The following SERPINA3 variants were observed in gnomAD, a reference collection of about 807,000 sequenced individuals.
SERPINA3 encodes the protein serpin family A member 3, also known as alpha-1-antichymotrypsin.
SERPINA3 carries 32 observed loss-of-function variants against 26.8 expected under a neutral mutation model. That is an observed-to-expected ratio of 1.20 (90% CI 0.90 to 1.61). The LOEUF is 1.61. Ranked by LOEUF, SERPINA3 falls within the 40% of genes most tolerant of loss-of-function variation. The pLI is 0.00. For missense variants in SERPINA3, 632 were observed against 517.9 expected (o/e 1.22, Z -2.14); for synonymous variants, 252 against 206.4 (o/e 1.22, Z -1.89).
chr14:94,615,874 C>T (rs2268334), intron 2 of SERPINA3, among the ~76,000 whole-genome samples: 4,247 of 152,262 alleles, frequency 0.028, 139 homozygotes, highest in East Asian at 0.18. Flanking sequence ...CTGGAGCCCA[C>T]AGTCCAGATG....
At chr14:94,621,826 G>C (rs1306905626) in intron 3 of SERPINA3, among the ~76,000 whole-genome samples, 1 of 152,040 alleles carries the variant, frequency 6.6e-6, no homozygotes, top group South Asian at 2.1e-4. Flanking sequence ...CCACCGCCCC[G>C]TGGAGCAACT....
chr14:94,612,956 A>G (rs1885839895), intron 1 of SERPINA3, among the ~76,000 whole-genome samples: 1 of 152,208 alleles, frequency 6.6e-6, no homozygotes, highest in Non-Finnish European at 1.5e-5. Flanking sequence ...GTCCAGCAAC[A>G]GAAAAGACAA....
intron 2 of SERPINA3, 105 bp from the exon 3 acceptor site, chr14:94,619,090 G>C (rs944006344): frequency 7.7e-7 from 1 of 1,302,596 alleles, no homozygotes; most frequent in Non-Finnish European, 1.1e-6. Flanking sequence ...CCAAAGCAGG[G>C]TCCCTCCTAT....
chr14:94,615,678 A>G lies in SERPINA3; in HGVS notation c.643+594A>G, dbSNP rs527664480. On this transcript the variant is annotated intron_variant, in intron 2 of 4. Coordinates refer to ENST00000393078, the MANE Select transcript of SERPINA3 (RefSeq NM_001085.5). ...AAAATATGTCACTGACACATAACAAATGAGGGCAGAAATGGCATTGTTCCC... is the reference window on the plus strand; with the variant it reads ...AAAATATGTCACTGACACATAACAAGTGAGGGCAGAAATGGCATTGTTCCC... 3.3e-5 allele frequency among the ~76,000 whole-genome samples: 5 copies of G among 152,328 alleles called. No homozygotes were observed. The South Asian group carries it at 1.0e-3, about 32-fold the overall frequency.
chr14:94,621,573 G>A (rs898046094), intron 3 of SERPINA3, among the ~76,000 whole-genome samples: 7 of 152,148 alleles, frequency 4.6e-5, no homozygotes, highest in Non-Finnish European at 7.3e-5. Flanking sequence ...GAGTTTGCAG[G>A]TGGCAGGTGT....
Position 94,616,406 on chromosome 14 carries a change from A to T in SERPINA3, c.643+1322A>T, listed in dbSNP as rs575304921. Among the ~76,000 whole-genome samples, 3 of 152,232 alleles carry T rather than the reference A, an allele frequency of 2.0e-5. No homozygotes were observed. In the South Asian group the frequency reaches 6.2e-4, roughly 32 times the overall value. ...AGGTGCCAGTTTTGCTCCCTGCCTC[A>T]GCCTGGTTTACATACAGTGTATGTG... On this transcript the variant is annotated intron_variant, in intron 2 of 4. Transcript: ENST00000393078.
rs945617609 is a variant in SERPINA3, at chr14:94,622,592, G to A, written c.1068+101G>A. ...TACTCTTGAACTTGGGTTAATGCAC[G>A]TGCATTTCTCATTATATACTCACCC... is the stretch of plus-strand genomic sequence containing the variant. On this transcript the variant is annotated intron_variant, in intron 4 of 4. Coordinates refer to ENST00000393078, the MANE Select transcript of SERPINA3 (RefSeq NM_001085.5). 79 of 1,315,858 alleles carry A rather than the reference G, an allele frequency of 6.0e-5. 1 individual carries two copies. Among genetic ancestry groups the A allele is most frequent in the African/African-American group, 1.7e-4 (12 of 68,688 alleles). The allele number at this position is 1,315,858 out of a possible 1,614,324, so 81.5% of individuals were successfully genotyped here.
In SERPINA3 at chr14:94,617,360, G is replaced by A. The variant is rs1049283294; in HGVS notation, c.644-1835G>A. 9.8e-5 allele frequency among the ~76,000 whole-genome samples: 15 copies of A among 152,294 alleles called. No homozygotes were observed. In the South Asian group the frequency reaches 1.5e-3, roughly 15 times the overall value. On this transcript the variant is annotated intron_variant, in intron 2 of 4. Coordinates refer to ENST00000393078, the MANE Select transcript of SERPINA3 (RefSeq NM_001085.5). ...AAAGGAAAGATGGACAGTTATTTTG[G>A]TCCTAGAAAGCCCAAAGGTGGGGAA...
chr14:94,613,162 C>T lies in SERPINA3; in HGVS notation c.-9+715C>T, dbSNP rs540327945. On this transcript the variant is annotated intron_variant, in intron 1 of 4. Coordinates refer to ENST00000393078, the MANE Select transcript of SERPINA3 (RefSeq NM_001085.5). The stretch of plus-strand genomic sequence containing the variant: ...CCAAAGGCATTTCCACTGGCCTCCC[C>T]TCCTTCCCCTCCTTCCCCTCCTTCC... Among the ~76,000 whole-genome samples the T allele has an allele frequency of 7.1e-4, 102 of 144,664 alleles. 3 individuals are homozygous for T. In the South Asian group the frequency reaches 0.022, roughly 31 times the overall value. The allele number at this position is 144,664 out of a possible 152,430, so 94.9% of individuals were successfully genotyped here.
intron 2 of SERPINA3, among the ~76,000 whole-genome samples, chr14:94,616,943 A>C (rs1401098084): frequency 6.6e-6 from 1 of 152,124 alleles, no homozygotes; most frequent in East Asian, 1.9e-4. Flanking sequence ...GAGAAGATTT[A>C]AAGGCTTGTA....
chr14:94,623,678 A>G lies in SERPINA3; in HGVS notation c.1136A>G (p.Lys379Arg), dbSNP rs763044341. ...GTEASAATAVKITLLSALVET... is the reference protein window; with the variant it reads ...GTEASAATAVRITLLSALVET... ...GAAGCATCTGCTGCCACAGCAGTCA[A>G]AATCACCCTCCTTTCTGCATTAGTG... Residue 379 changes from lysine to arginine, a missense_variant, in exon 5 of 5, where the codon AAA (lysine) becomes AGA (arginine). Coordinates refer to ENST00000393078, the MANE Select transcript of SERPINA3 (RefSeq NM_001085.5). 9.3e-6 allele frequency: 15 copies of G among 1,614,164 alleles called. No homozygotes were observed. The East Asian group carries it at 3.1e-4, about 34-fold the overall frequency.
intron 2 of SERPINA3, among the ~76,000 whole-genome samples, chr14:94,615,807 C>A (rs1885974220): frequency 6.6e-6 from 1 of 152,188 alleles, no homozygotes; most frequent in Admixed American, 6.5e-5. Flanking sequence ...TCAACCAATG[C>A]AAACCTCAGC....
At chr14:94,620,858 G>T (rs1427199003) in intron 3 of SERPINA3, among the ~76,000 whole-genome samples, 2 of 152,134 alleles carry the variant, frequency 1.3e-5, no homozygotes, top group East Asian at 3.9e-4. Flanking sequence ...GCAGCTGTGT[G>T]GGGTAGAGAG....
intron 3 of SERPINA3, among the ~76,000 whole-genome samples, chr14:94,621,018 G>A (rs1037762580): frequency 3.9e-5 from 6 of 152,100 alleles, no homozygotes; most frequent in Admixed American, 1.3e-4. Context: ...GTGAGAATCC[G>A]GTGAGGTATT....
chr14:94,614,641 A>G lies in SERPINA3; in HGVS notation c.200A>G (p.Lys67Arg). The G allele has an allele frequency of 6.2e-7, 1 of 1,614,046 alleles. No individual in the cohort carries two copies. Among genetic ancestry groups the G allele is most frequent in the Non-Finnish European group, 8.5e-7 (1 of 1,179,992 alleles). Residue 67 changes from lysine to arginine, a missense_variant, in exon 2 of 5, where the codon AAG (lysine) becomes AGG (arginine). Lys to Arg is a conservative substitution (Grantham distance 26). Coordinates refer to ENST00000393078, the MANE Select transcript of SERPINA3 (RefSeq NM_001085.5). ...AGCCTGTACAAGCAGTTAGTCCTGA[A>G]GGCCCCTGATAAGAATGTCATCTTC... ...AFSLYKQLVL[K>R]APDKNVIFSP...
chr14:94,617,571 G>T (rs2139958333), intron 2 of SERPINA3: 1 of 152,342 alleles, frequency 6.6e-6, no homozygotes, highest in South Asian at 2.1e-4. Flanking sequence ...GGCTCTGAAA[G>T]GTGGATGGTG....
chr14:94,621,673 C>G (rs978689546), intron 3 of SERPINA3, among the ~76,000 whole-genome samples: 10 of 152,078 alleles, frequency 6.6e-5, no homozygotes, highest in Admixed American at 4.6e-4. Flanking sequence ...AAGATGGGAA[C>G]CTCCAATTGA....
Position 94,623,613 on chromosome 14 carries a change from G to C in SERPINA3, c.1071G>C (p.Val357=). ...TGARNLAVSQ[V]VHKAVLDVFE... is the part of the protein sequence containing the mutation. ...GTAATGTTCTGCTGTCCCCACAGGTGGTCCATAAGGCTGTGCTTGATGTAT... is the reference window on the plus strand; with the variant it reads ...GTAATGTTCTGCTGTCCCCACAGGTCGTCCATAAGGCTGTGCTTGATGTAT... Residue 357 remains valine (V), a splice_region_variant and synonymous_variant, in exon 5 of 5, where the codon GTG becomes GTC. Transcript: ENST00000393078. 6.2e-7 allele frequency: 1 copy of C among 1,613,874 alleles called. No individual in the cohort carries two copies. Among genetic ancestry groups the C allele is most frequent in the East Asian group, 2.2e-5 (1 of 44,882 alleles).
In SERPINA3 at chr14:94,619,244, C is replaced by T; in HGVS notation, c.693C>T (p.Phe231=). 1 of 1,614,134 alleles carries T rather than the reference C, an allele frequency of 6.2e-7. No homozygotes were observed. Among genetic ancestry groups the T allele is most frequent in the Non-Finnish European group, 8.5e-7 (1 of 1,180,020 alleles). Residue 231 remains phenylalanine (F), a synonymous_variant, in exon 3 of 5, where the codon TTC becomes TTT. Coordinates refer to ENST00000393078, the MANE Select transcript of SERPINA3 (RefSeq NM_001085.5). The part of the protein sequence containing the change: ...FDPQDTHQSR[F]YLSKKKWVMV... ...CCCAAGATACTCATCAGTCAAGGTTCTACTTGAGCAAGAAAAAGTGGGTAA... is the reference window on the plus strand; with the variant it reads ...CCCAAGATACTCATCAGTCAAGGTTTTACTTGAGCAAGAAAAAGTGGGTAA...
Sources: gnomAD v4.1 joint callset for allele counts (sites outside exome capture counted in the v4.1 genomes callset) on GRCh38, gnomAD v4.1.1 for gene constraint, MANE v1.5 for transcripts, NCBI Gene and HGNC (gene_info 2026-07-23, HGNC 2026-07-21) for gene names.